RTTN: variants seen among roughly 807,000 people sequenced by gnomAD.
RTTN encodes the protein rotatin.
RTTN carries 182 observed loss-of-function variants against 269.2 expected under a neutral mutation model. The observed-to-expected ratio is 0.68, with a 90% CI of 0.60 to 0.76. The LOEUF (loss-of-function observed/expected upper bound fraction) is 0.76. Ranked by LOEUF, RTTN falls within the 30% of genes least tolerant of loss-of-function variation. The pLI is 0.00. For synonymous variants in RTTN, 1,006 were observed against 963.5 expected, an observed-to-expected ratio of 1.04 and a Z score of -0.82; for missense variants, 2,545 against 2,608.6, an observed-to-expected ratio of 0.98 and a Z score of 0.53.
intron 30 of RTTN, among the ~76,000 whole-genome samples, chr18:70,088,920 T>C (rs539317043): frequency 1.0e-3 from 158 of 152,356 alleles, no homozygotes; most frequent in Middle Eastern, 6.8e-3. Context: ...AAATTTTGTA[T>C]TGTAATGCAA....
intron 27 of RTTN, among the ~76,000 whole-genome samples, chr18:70,109,948 G>A (rs1304664818): frequency 6.6e-6 from 1 of 152,198 alleles, no homozygotes; most frequent in Non-Finnish European, 1.5e-5. Context: ...GCCAGGGGCT[G>A]TGGCTCACCC....
Position 70,168,923 on chromosome 18 carries a change from T to A in RTTN, c.1621A>T (p.Lys541Ter), listed in dbSNP as rs1334103366. ...GAATAAACGGCCTCTGCAGTTCGTT[T>A]ATAAATACTGTAGTTTTCAGAATTC... ...QLNSENYSIY[K>*]RTAEAVYSIE... The change falls in exon 12 of 49, where the codon AAA becomes TAA. Residue 541 changes from lysine (K) to a stop codon, truncating the protein, a stop_gained. Transcript: ENST00000640769. LOFTEE classifies it high-confidence loss of function. The A allele has an allele frequency of 1.2e-6, 2 of 1,613,530 alleles. No individual in the cohort carries two copies.
chr18:70,138,107 A>G (rs1008950412), intron 21 of RTTN, among the ~76,000 whole-genome samples: 2 of 151,982 alleles, frequency 1.3e-5, no homozygotes, highest in African/African-American at 4.8e-5. Context: ...GGAGAAACCT[A>G]GCCTCTACTA....
chr18:70,169,153 C>G (rs2061070600), intron 11 of RTTN, 86 bp from the exon 12 acceptor site: 1 of 903,042 alleles, frequency 1.1e-6, no homozygotes, highest in South Asian at 2.5e-5. Flanking sequence ...TAGTCTTAAT[C>G]TAATCCAACT....
At position 70,181,640 on chromosome 18, in the gene RTTN, A is replaced by ATATAATTTCTAAAT. The variant is rs1200165790; in HGVS notation, c.1306-4796_1306-4795insATTTAGAAATTATA. Among the ~76,000 whole-genome samples the ATATAATTTCTAAAT allele has an allele frequency of 4.6e-5, 7 of 152,176 alleles. No homozygotes were observed. The East Asian group carries it at 7.7e-4, about 17-fold the overall frequency. ...GAGATTTGATTATATATCCTCAGGT[A>ATATAATTTCTAAAT]CTTAATTTCTAAATTGATAGCAACA... On this transcript the variant is annotated intron_variant, in intron 10 of 48. Coordinates refer to ENST00000640769, the MANE Select transcript of RTTN (RefSeq NM_173630.4).
chr18:70,062,612 T>C (rs2058021513), intron 35 of RTTN, among the ~76,000 whole-genome samples: 1 of 33,396 alleles, frequency 3.0e-5, no homozygotes, highest in African/African-American at 5.7e-5. Flanking sequence ...TCCCCTCTTT[T>C]TTTTTTTTTT....
chr18:70,031,940 A>C (rs1005449472), intron 40 of RTTN, among the ~76,000 whole-genome samples: 2 of 152,136 alleles, frequency 1.3e-5, no homozygotes, highest in Non-Finnish European at 2.9e-5. Flanking sequence ...GCAAGGAACA[A>C]AATTCGCTCT....
intron 28 of RTTN, among the ~76,000 whole-genome samples, chr18:70,102,480 G>A (rs986325107): frequency 8.5e-5 from 13 of 152,114 alleles, no homozygotes; most frequent in Admixed American, 3.9e-4. Flanking sequence ...CACGTGAGAT[G>A]AGTCTCCTGA....
intron 17 of RTTN, among the ~76,000 whole-genome samples, chr18:70,147,358 G>T (rs2060421282): frequency 6.6e-6 from 1 of 152,120 alleles, no homozygotes; most frequent in Non-Finnish European, 1.5e-5. Flanking sequence ...ACAGTAACAT[G>T]CTGTACAGGT....
chr18:70,163,069 TAAAAAAAAAAAAAAA>T (rs10559303), intron 14 of RTTN, among the ~76,000 whole-genome samples: 2 of 56,968 alleles, frequency 3.5e-5, no homozygotes, highest in South Asian at 1.0e-3. Flanking sequence ...TTACTATTAT[TAAAAAAAAAAAAAAA>T]AAAAAAAAAA....
intron 14 of RTTN, among the ~76,000 whole-genome samples, chr18:70,158,208 C>T (rs1224385310): frequency 1.3e-5 from 2 of 152,044 alleles, no homozygotes; most frequent in African/African-American, 4.8e-5. Flanking sequence ...AAAGAAAGAG[C>T]AGGTCACATA....
chr18:70,180,618 G>A (rs2061402787), intron 10 of RTTN, among the ~76,000 whole-genome samples: 1 of 146,890 alleles, frequency 6.8e-6, no homozygotes, highest in African/African-American at 2.5e-5. Context: ...AGCCCTCACT[G>A]ACATCCCAAG....
intron 2 of RTTN, 80 bp downstream of exon 2, chr18:70,205,048 C>T: frequency 7.0e-7 from 1 of 1,421,612 alleles, no homozygotes. Context: ...AATTATTTAA[C>T]TTTCAATAAA....
chr18:70,059,756 T>C (rs1380662645), intron 36 of RTTN, 94 bp downstream of exon 36: 2 of 831,912 alleles, frequency 2.4e-6, no homozygotes, highest in Non-Finnish European at 3.5e-6. Context: ...AAGCTGTATT[T>C]CCAGGTCACA....
chr18:70,157,447 A>G (rs2060712080), intron 14 of RTTN, among the ~76,000 whole-genome samples: 1 of 152,182 alleles, frequency 6.6e-6, no homozygotes, highest in African/African-American at 2.4e-5. Flanking sequence ...ATCAAATAAT[A>G]TAAAAGCAAA....
At chr18:70,013,589 A>C (rs1784132756) in intron 46 of RTTN, among the ~76,000 whole-genome samples, 1 of 152,226 alleles carries the variant, frequency 6.6e-6, no homozygotes, top group Non-Finnish European at 1.5e-5. Flanking sequence ...AATAACCTAA[A>C]GTGAATATAC....
Position 70,024,818 on chromosome 18 carries a change from C to T in RTTN, c.5854G>A (p.Val1952Ile). The T allele has an allele frequency of 1.9e-6, 3 of 1,613,976 alleles. No individual in the cohort carries two copies. Among genetic ancestry groups the T allele is most frequent in the Non-Finnish European group, 2.5e-6 (3 of 1,179,928 alleles). ...ATCCAAGGCCAGAGAGAGTGCAAGA[C>T]AGGGACAAGGTGAGCTTCAAGAGCT... is the stretch of plus-strand genomic sequence containing the variant. ...EAALEAHLVP[V>I]LHSLWPWILM... The change falls in exon 44 of 49, where the codon GTC becomes ATC. Residue 1952 changes from valine to isoleucine, a missense_variant. Physicochemically the swap from Val to Ile is conservative, Grantham distance 29. Transcript: ENST00000640769.
At position 70,006,424 on chromosome 18, in the gene RTTN, A is replaced by G. The variant is rs1161419229; in HGVS notation, c.6482T>C (p.Ile2161Thr). The G allele has an allele frequency of 6.2e-7, 1 of 1,614,080 alleles. No individual in the cohort carries two copies. Among genetic ancestry groups the G allele is most frequent in the Non-Finnish European group, 8.5e-7 (1 of 1,179,950 alleles). The part of the protein sequence containing the change: ...LESENQNAQR[I>T]GAAALWALIY... ...CAGAGCCCAAAGGGCAGCTGCTCCA[A>G]TCCTCTGAGCATTTTGATTCTCACT... The change falls in exon 47 of 49, where the codon ATT becomes ACT. Residue 2161 changes from isoleucine to threonine, a missense_variant. Transcript: ENST00000640769.
At chr18:70,153,619 A>G (rs1445733816) in intron 14 of RTTN, among the ~76,000 whole-genome samples, 1 of 152,214 alleles carries the variant, frequency 6.6e-6, no homozygotes, top group Non-Finnish European at 1.5e-5. Context: ...TAACCTCCAC[A>G]TTACTAGCAC....
Sources: gnomAD v4.1 joint callset for allele counts (sites outside exome capture counted in the v4.1 genomes callset) on GRCh38, gnomAD v4.1.1 for gene constraint, MANE v1.5 for transcripts, NCBI Gene and HGNC (gene_info 2026-07-23, HGNC 2026-07-21) for gene names.